The following KCNAB1 variants were observed in gnomAD, a reference collection of about 807,000 sequenced individuals.
The protein encoded by KCNAB1 is voltage-gated potassium channel subunit beta-1.
Under a neutral mutation model 64.6 loss-of-function variants are expected in KCNAB1, and 35 were observed. The ratio of observed to expected loss-of-function variants is 0.54; its 90% CI spans 0.41 to 0.72. The LOEUF is 0.72. Ranked by LOEUF, KCNAB1 falls within the 30% of genes least tolerant of loss-of-function variation. KCNAB1 has a pLI of 0.00. For missense variants in KCNAB1, 401 were observed against 512.9 expected, an observed-to-expected ratio of 0.78 and a Z score of 2.11; for synonymous variants, 177 against 183.8, an observed-to-expected ratio of 0.96 and a Z score of 0.30.
At chr3:156,320,038 A>G (rs1257593883) in intron 1 of KCNAB1, among the ~76,000 whole-genome samples, 1 of 152,140 alleles carries the variant, frequency 6.6e-6, no homozygotes, top group Non-Finnish European at 1.5e-5. Context: ...GGCTACATCC[A>G]TCCTGGAAAA....
intron 1 of KCNAB1, among the ~76,000 whole-genome samples, chr3:156,162,612 T>A (rs1411764302): frequency 6.6e-6 from 1 of 152,188 alleles, no homozygotes; most frequent in African/African-American, 2.4e-5. Flanking sequence ...CTCATAGACC[T>A]GTGATGTCTG....
In KCNAB1 at chr3:156,404,359, A is replaced by C. The variant is rs556264316; in HGVS notation, c.276-17257A>C. 4.6e-5 allele frequency among the ~76,000 whole-genome samples: 7 copies of C among 152,258 alleles called. No homozygotes were observed. In the East Asian group the frequency reaches 1.4e-3, roughly 29 times the overall value. On this transcript the variant is annotated intron_variant, in intron 1 of 13. Transcript: ENST00000490337. ...AACCGAGTTCTTAACAGTGTGAATA[A>C]CTTGATTTTACTACAAAGTCTGTCC...
At chr3:156,345,616 C>G (rs1220116163) in intron 1 of KCNAB1, among the ~76,000 whole-genome samples, 1 of 152,160 alleles carries the variant, frequency 6.6e-6, no homozygotes, top group African/African-American at 2.4e-5. Context: ...GAGCATTAGC[C>G]ATTCAGTTGT....
chr3:156,300,358 G>C (rs550395008), intron 1 of KCNAB1, among the ~76,000 whole-genome samples: 1 of 152,148 alleles, frequency 6.6e-6, no homozygotes, highest in African/African-American at 2.4e-5. Flanking sequence ...CTTGAAAACC[G>C]TTACTACAAC....
At chr3:156,268,827 G>C (rs112109943) in intron 1 of KCNAB1, among the ~76,000 whole-genome samples, 2 of 152,108 alleles carry the variant, frequency 1.3e-5, no homozygotes, top group African/African-American at 4.8e-5. Flanking sequence ...TTTGTTGGCT[G>C]TTTACTCTGC....
intron 1 of KCNAB1, among the ~76,000 whole-genome samples, chr3:156,392,660 C>T (rs1478176345): frequency 6.6e-6 from 1 of 152,170 alleles, no homozygotes; most frequent in African/African-American, 2.4e-5. Flanking sequence ...AAAATCCCTT[C>T]TATTCTTAGT....
At chr3:156,177,302 A>G (rs1712443072) in intron 1 of KCNAB1, among the ~76,000 whole-genome samples, 1 of 152,186 alleles carries the variant, frequency 6.6e-6, no homozygotes. Flanking sequence ...AATCCTGCTC[A>G]CTATACCCAG....
chr3:156,215,201 TA>T (rs1158532950), intron 1 of KCNAB1, among the ~76,000 whole-genome samples: 5 of 152,230 alleles, frequency 3.3e-5, no homozygotes, highest in African/African-American at 1.2e-4. Context: ...GGAAGTTAGG[TA>T]ACTTGCAGAA....
intron 8 of KCNAB1, among the ~76,000 whole-genome samples, chr3:156,503,472 G>A (rs537068891): frequency 1.3e-5 from 2 of 152,310 alleles, no homozygotes; most frequent in Non-Finnish European, 2.9e-5. Flanking sequence ...ATATTAAGAG[G>A]ATATAGCATC....
At chr3:156,387,540 T>C (rs1712711066) in intron 1 of KCNAB1, among the ~76,000 whole-genome samples, 1 of 152,244 alleles carries the variant, frequency 6.6e-6, no homozygotes, top group African/African-American at 2.4e-5. Context: ...TGTAATGTCT[T>C]TAGCCATTTC....
chr3:156,476,953 G>A (rs1001291610), intron 8 of KCNAB1, among the ~76,000 whole-genome samples: 1 of 152,112 alleles, frequency 6.6e-6, no homozygotes, highest in Non-Finnish European at 1.5e-5. Flanking sequence ...ACCATGTACA[G>A]GATAGCAGAA....
intron 1 of KCNAB1, among the ~76,000 whole-genome samples, chr3:156,237,893 C>G (rs1172051938): frequency 1.3e-5 from 2 of 152,190 alleles, no homozygotes; most frequent in Non-Finnish European, 2.9e-5. Context: ...GAACCAGGGC[C>G]GTTTCTGTCC....
chr3:156,274,837 TCA>T (rs1378780640), intron 1 of KCNAB1, among the ~76,000 whole-genome samples: 4 of 152,246 alleles, frequency 2.6e-5, no homozygotes, highest in African/African-American at 9.6e-5. Flanking sequence ...ATTTGTCATC[TCA>T]CATAGTTACC....
chr3:156,349,984 A>C (rs1366104243), intron 1 of KCNAB1, among the ~76,000 whole-genome samples: 1 of 152,092 alleles, frequency 6.6e-6, no homozygotes, highest in Non-Finnish European at 1.5e-5. Context: ...TTTCTTCTTA[A>C]CCTAGGACAG....
At chr3:156,212,415 C>G (rs1424748790) in intron 1 of KCNAB1, among the ~76,000 whole-genome samples, 2 of 152,194 alleles carry the variant, frequency 1.3e-5, no homozygotes, top group African/African-American at 2.4e-5. Context: ...GTTTTTCCTT[C>G]AGTCATTCCA....
intron 1 of KCNAB1, among the ~76,000 whole-genome samples, chr3:156,312,703 CAAAAAAAAAA>C (rs397991453): frequency 2.9e-4 from 8 of 27,406 alleles, no homozygotes; most frequent in East Asian, 1.4e-3. Flanking sequence ...AGACTGTCTC[CAAAAAAAAAA>C]AAAAAAAAAA....
At chr3:156,307,341 C>A (rs990378480) in intron 1 of KCNAB1, among the ~76,000 whole-genome samples, 5 of 144,794 alleles carry the variant, frequency 3.5e-5, no homozygotes, top group Admixed American at 2.9e-4. Flanking sequence ...AAACCAGGAA[C>A]TTCTTAAGTT....
intron 1 of KCNAB1, among the ~76,000 whole-genome samples, chr3:156,203,837 A>T (rs989196226): frequency 6.6e-6 from 1 of 152,096 alleles, no homozygotes. Context: ...TCTAAAGTTT[A>T]CTCTGTCTTT....
At chr3:156,294,619 T>C (rs1033562382) in intron 1 of KCNAB1, among the ~76,000 whole-genome samples, 2 of 152,198 alleles carry the variant, frequency 1.3e-5, no homozygotes, top group African/African-American at 4.8e-5. Flanking sequence ...TGATAACAAA[T>C]AGCAGAATAT....
Sources: allele counts gnomAD v4.1 joint callset (sites outside exome capture counted in the v4.1 genomes callset), GRCh38; gene constraint gnomAD v4.1.1; transcripts MANE v1.5; gene names NCBI Gene and HGNC (gene_info 2026-07-23, HGNC 2026-07-21).